CACNA2D1: variants seen among roughly 807,000 people sequenced by gnomAD.
The protein encoded by CACNA2D1 is voltage-dependent calcium channel subunit alpha-2/delta-1.
Under a neutral mutation model 171.5 loss-of-function variants are expected in CACNA2D1, and 53 were observed. That is an observed-to-expected ratio of 0.31 (90% confidence interval 0.25 to 0.39). The LOEUF is 0.39. Among genes scored for constraint, CACNA2D1 ranks in the 10% least tolerant of loss-of-function variants. CACNA2D1 has a pLI of 1.00. For synonymous variants in CACNA2D1, 442 were observed against 443.1 expected (o/e 1.00, Z 0.03); for missense variants, 903 against 1,299.8 (o/e 0.69, Z 4.69).
At chr7:82,157,974 T>C (rs1012167796) in intron 4 of CACNA2D1, among the ~76,000 whole-genome samples, 3 of 151,914 alleles carry the variant, frequency 2.0e-5, no homozygotes, top group Non-Finnish European at 4.4e-5. Context: ...TTAAAAGTCA[T>C]GCTGAATAAA....
intron 3 of CACNA2D1, among the ~76,000 whole-genome samples, chr7:82,210,433 G>C (rs372316562): frequency 6.6e-6 from 1 of 152,264 alleles, no homozygotes; most frequent in African/African-American, 2.4e-5. Context: ...AGTTCAGACT[G>C]TCTCCCATGC....
intron 1 of CACNA2D1, among the ~76,000 whole-genome samples, chr7:82,433,125 T>C (rs941832011): frequency 1.3e-5 from 2 of 151,730 alleles, no homozygotes; most frequent in Non-Finnish European, 2.9e-5. Flanking sequence ...AAGGCAGAGA[T>C]TGCAGTGAGC....
chr7:82,005,735 AG>A, intron 17 of CACNA2D1, 29 bp downstream of exon 17: 1 of 1,399,846 alleles, frequency 7.1e-7, no homozygotes, highest in Admixed American at 1.7e-5. Flanking sequence ...TAAACTAGAA[AG>A]GGTATCAAAA....
chr7:82,029,205 T>C (rs1802336287), intron 12 of CACNA2D1: 1 of 151,822 alleles, frequency 6.6e-6, no homozygotes, highest in Non-Finnish European at 1.5e-5. Flanking sequence ...ATACAAAGAC[T>C]TGCTGAAGTC....
Position 82,334,931 on chromosome 7 carries a change from TATA to T in CACNA2D1, c.294+201_294+203del, listed in dbSNP as rs200489096. Among the ~76,000 whole-genome samples, 1,166 of 152,058 alleles carry T rather than the reference TATA, an allele frequency of 7.7e-3. 19 individuals carry two copies. Among genetic ancestry groups the T allele is most frequent in the African/African-American group, 0.025 (1,058 of 41,512 alleles). On this transcript the variant is annotated intron_variant, in intron 3 of 38. Coordinates refer to ENST00000356860, the MANE Select transcript of CACNA2D1 (RefSeq NM_000722.4). ...ATCAATTAAACACAGATTATTAAAA[TATA>T]ATAGTAATATAAAATAAACATAATT...
At chr7:82,060,153 TTA>T (rs556057858) in intron 10 of CACNA2D1, among the ~76,000 whole-genome samples, 2 of 39,870 alleles carry the variant, frequency 5.0e-5, no homozygotes, top group African/African-American at 7.1e-5. Context: ...TATATATGTA[TTA>T]TATATATATA....
chr7:82,034,674 T>G (rs1803084456), intron 11 of CACNA2D1, among the ~76,000 whole-genome samples: 1 of 151,958 alleles, frequency 6.6e-6, no homozygotes, highest in African/African-American at 2.4e-5. Context: ...ATGTGTAAAA[T>G]AGTCAAAATA....
At chr7:82,119,311 C>T (rs747613444) in intron 5 of CACNA2D1, among the ~76,000 whole-genome samples, 2 of 152,002 alleles carry the variant, frequency 1.3e-5, no homozygotes, top group African/African-American at 4.8e-5. Context: ...TTTGATAAAA[C>T]GAAACTGACA....
At chr7:82,356,495 G>A (rs1369176400) in intron 1 of CACNA2D1, among the ~76,000 whole-genome samples, 1 of 152,000 alleles carries the variant, frequency 6.6e-6, no homozygotes, top group East Asian at 1.9e-4. Context: ...TAATTGTGCT[G>A]TGCGCTTATT....
chr7:82,428,646 C>G (rs1466880466), intron 1 of CACNA2D1, among the ~76,000 whole-genome samples: 3 of 152,136 alleles, frequency 2.0e-5, no homozygotes, highest in Non-Finnish European at 4.4e-5. Flanking sequence ...ACCCTTTGCT[C>G]AATAAATTCA....
At chr7:82,138,664 T>G (rs1791999465) in intron 4 of CACNA2D1, among the ~76,000 whole-genome samples, 1 of 152,072 alleles carries the variant, frequency 6.6e-6, no homozygotes, top group Non-Finnish European at 1.5e-5. Context: ...GCCAGGATGG[T>G]CTTGATCTCC....
intron 3 of CACNA2D1, among the ~76,000 whole-genome samples, chr7:82,286,503 C>T (rs898900556): frequency 1.3e-5 from 2 of 152,138 alleles, no homozygotes; most frequent in African/African-American, 4.8e-5. Context: ...ATACAAGTAT[C>T]TTATAGCTTT....
intron 3 of CACNA2D1, among the ~76,000 whole-genome samples, chr7:82,310,613 TAA>T (rs1412485703): frequency 2.0e-5 from 3 of 152,018 alleles, no homozygotes; most frequent in African/African-American, 7.2e-5. Flanking sequence ...TAAGAAATAA[TAA>T]AAGACTTGGG....
chr7:82,091,040 T>C lies in CACNA2D1; in HGVS notation c.527-6140A>G, dbSNP rs143764511. Among the ~76,000 whole-genome samples the C allele has an allele frequency of 1.7e-3, 252 of 152,218 alleles. 1 individual carries two copies. The highest frequency in any genetic ancestry group is 5.7e-3 in the African/African-American group (236 of 41,554). On this transcript the variant is annotated intron_variant, in intron 6 of 38. Coordinates refer to ENST00000356860, the MANE Select transcript of CACNA2D1 (RefSeq NM_000722.4). Reference sequence around the variant, plus strand: ...CAACCCTAATCTCTGAAAAGAAAGATGTTAATAAGAAGAAACCTACTGATC... The same window carrying C: ...CAACCCTAATCTCTGAAAAGAAAGACGTTAATAAGAAGAAACCTACTGATC...
intron 4 of CACNA2D1, among the ~76,000 whole-genome samples, chr7:82,160,785 T>TTATAAAATTG (rs1408005701): frequency 6.6e-6 from 1 of 152,088 alleles, no homozygotes. Context: ...TTCTACTATT[T>TTATAAAATTG]TATAAAATTG....
chr7:82,119,714 T>C (rs1789492361), intron 5 of CACNA2D1, among the ~76,000 whole-genome samples: 2 of 152,238 alleles, frequency 1.3e-5, no homozygotes, highest in South Asian at 4.1e-4. Context: ...ATTTGCAAAC[T>C]GATAAACTTT....
At chr7:82,193,624 G>A (rs1211973618) in intron 3 of CACNA2D1, among the ~76,000 whole-genome samples, 1 of 151,942 alleles carries the variant, frequency 6.6e-6, no homozygotes, top group Non-Finnish European at 1.5e-5. Flanking sequence ...AAAAGTTAAG[G>A]CATTGCATTT....
intron 4 of CACNA2D1, among the ~76,000 whole-genome samples, chr7:82,147,502 G>T (rs1793281338): frequency 6.6e-6 from 1 of 152,062 alleles, no homozygotes; most frequent in African/African-American, 2.4e-5. Flanking sequence ...TAATTCCAAT[G>T]AATCTTTAGA....
chr7:82,308,648 C>T (rs1352355417), intron 3 of CACNA2D1, among the ~76,000 whole-genome samples: 1 of 152,166 alleles, frequency 6.6e-6, no homozygotes, highest in African/African-American at 2.4e-5. Context: ...AGGGAATCTC[C>T]CTCTCTACAC....
Sources: allele counts gnomAD v4.1 joint callset (sites outside exome capture counted in the v4.1 genomes callset), GRCh38; gene constraint gnomAD v4.1.1; transcripts MANE v1.5; gene names NCBI Gene and HGNC (gene_info 2026-07-23, HGNC 2026-07-21).